Variants in GPHN observed in about 807,000 individuals in gnomAD.
GPHN encodes the protein gephyrin.
GPHN carries 17 observed loss-of-function variants against 95.5 expected under a neutral mutation model. The observed-to-expected ratio is 0.18, with a 90% CI of 0.12 to 0.27. The LOEUF is 0.27. Ranked by LOEUF, GPHN falls within the 10% of genes least tolerant of loss-of-function variation. The pLI is 1.00. For missense variants in GPHN, 660 were observed against 978.1 expected, an observed-to-expected ratio of 0.67 and a Z score of 4.34; for synonymous variants, 320 against 322.5, an observed-to-expected ratio of 0.99 and a Z score of 0.08.
intron 6 of GPHN, among the ~76,000 whole-genome samples, chr14:66,919,763 G>A (rs1045850220): frequency 3.3e-5 from 5 of 152,062 alleles, no homozygotes; most frequent in African/African-American, 1.2e-4. Context: ...CTCTACTTTT[G>A]GATTAAAGAT....
Position 66,916,082 on chromosome 14 carries a change from G to T in GPHN, c.456+13G>T. ...GAAAGGATCTCAGGTAAATCACCTG[G>T]ACATATTAATGGTTTAGTGTAAGAG... On this transcript the variant is annotated intron_variant, in intron 6 of 22. Transcript: ENST00000478722. 1.3e-6 allele frequency: 2 copies of T among 1,534,222 alleles called. No homozygotes were observed. Among genetic ancestry groups the T allele is most frequent in the Non-Finnish European group, 1.8e-6 (2 of 1,107,130 alleles).
intron 5 of GPHN, among the ~76,000 whole-genome samples, chr14:66,880,691 G>A (rs939517203): frequency 6.6e-6 from 1 of 151,686 alleles, no homozygotes; most frequent in African/African-American, 2.4e-5. Flanking sequence ...TGGCAACTGG[G>A]TATATTTTAA....
chr14:67,508,030 C>T, the GPHN span, among the ~76,000 whole-genome samples: 1 of 151,380 alleles, frequency 6.6e-6, no homozygotes, highest in African/African-American at 2.4e-5. Flanking sequence ...CCCAGCTACT[C>T]GGGAGGCTGA....
intron 1 of GPHN, among the ~76,000 whole-genome samples, chr14:66,545,655 G>A (rs2059548721): frequency 7.5e-6 from 1 of 132,952 alleles, no homozygotes; most frequent in South Asian, 2.5e-4. Flanking sequence ...GCCGGGCAGA[G>A]GGGCTCCTCA....
chr14:67,024,516 C>G (rs1248472433), intron 10 of GPHN, among the ~76,000 whole-genome samples: 1 of 152,170 alleles, frequency 6.6e-6, no homozygotes, highest in Non-Finnish European at 1.5e-5. Flanking sequence ...ATTTCTATTT[C>G]TAGCAGTATG....
intron 10 of GPHN, among the ~76,000 whole-genome samples, chr14:67,055,231 A>G (rs2075502852): frequency 6.6e-6 from 1 of 152,138 alleles, no homozygotes; most frequent in Non-Finnish European, 1.5e-5. Flanking sequence ...CAAGAAAAAA[A>G]TAACCCCATT....
At chr14:66,609,583 G>C (rs1454394119) in intron 1 of GPHN, among the ~76,000 whole-genome samples, 1 of 151,388 alleles carries the variant, frequency 6.6e-6, no homozygotes, top group Non-Finnish European at 1.5e-5. Context: ...TCCTAGGTTT[G>C]GTCTCTATAT....
the GPHN span, chr14:67,619,900 A>G: frequency 1.0e-6 from 1 of 989,920 alleles, no homozygotes; most frequent in Non-Finnish European, 1.4e-6. Flanking sequence ...AGGTAAGAGC[A>G]GCGGCGGGCG....
intron 9 of GPHN, among the ~76,000 whole-genome samples, chr14:66,985,891 C>T (rs1052905708): frequency 6.6e-6 from 1 of 150,902 alleles, no homozygotes; most frequent in Non-Finnish European, 1.5e-5. Context: ...GGTCATATTA[C>T]TTTTTTTTTG....
At chr14:67,711,043 G>A in the GPHN span, among the ~76,000 whole-genome samples, 1 of 152,096 alleles carries the variant, frequency 6.6e-6, no homozygotes, top group Admixed American at 6.5e-5. Flanking sequence ...GTTCATTCCT[G>A]GGCATAGGCC....
At chr14:67,656,534 C>T in the GPHN span, 11 of 1,613,668 alleles carry the variant, frequency 6.8e-6, no homozygotes, top group African/African-American at 4.0e-5. Flanking sequence ...TTGGGTGGCC[C>T]GGTTCAGGCT....
chr14:67,583,532 C>T, the GPHN span, among the ~76,000 whole-genome samples: 2 of 152,160 alleles, frequency 1.3e-5, no homozygotes, highest in African/African-American at 2.4e-5. Context: ...CAAAGTTGGT[C>T]GGTGATCTCT....
the GPHN span, among the ~76,000 whole-genome samples, chr14:67,658,580 G>A: frequency 6.6e-6 from 1 of 152,134 alleles, no homozygotes; most frequent in Non-Finnish European, 1.5e-5. Flanking sequence ...CTGGGTGACA[G>A]AGCGAGACTC....
chr14:67,210,431 A>G, the GPHN span, among the ~76,000 whole-genome samples: 35 of 150,838 alleles, frequency 2.3e-4, no homozygotes, highest in African/African-American at 8.0e-4. Context: ...ATTTAAAAAA[A>G]AGAAGAAGAA....
At chr14:67,125,894 A>G (rs992557950) in intron 17 of GPHN, among the ~76,000 whole-genome samples, 1 of 152,076 alleles carries the variant, frequency 6.6e-6, no homozygotes, top group African/African-American at 2.4e-5. Context: ...TTTAAATTCT[A>G]TATGATTCTA....
intron 10 of GPHN, among the ~76,000 whole-genome samples, chr14:67,047,797 C>A (rs2075108668): frequency 6.6e-6 from 1 of 152,184 alleles, no homozygotes; most frequent in Non-Finnish European, 1.5e-5. Flanking sequence ...CCCATCTGTG[C>A]AAAACATCAG....
At chr14:66,878,053 G>C (rs550212329) in intron 4 of GPHN, among the ~76,000 whole-genome samples, 5 of 152,024 alleles carry the variant, frequency 3.3e-5, no homozygotes, top group African/African-American at 9.6e-5. Flanking sequence ...CAGAACAGAG[G>C]CCTCAGAAAT....
At chr14:67,007,113 C>T (rs1444770753) in intron 9 of GPHN, among the ~76,000 whole-genome samples, 1 of 152,144 alleles carries the variant, frequency 6.6e-6, no homozygotes, top group East Asian at 1.9e-4. Flanking sequence ...AAGCATTCAT[C>T]TTATTTTAAT....
chr14:67,225,345 G>T, the GPHN span: 1 of 907,854 alleles, frequency 1.1e-6, no homozygotes, highest in Non-Finnish European at 1.6e-6. Context: ...TAATAAGTGG[G>T]ATCTTTTAAC....
Sources: allele counts gnomAD v4.1 joint callset (sites outside exome capture counted in the v4.1 genomes callset), GRCh38; gene constraint gnomAD v4.1.1; transcripts MANE v1.5; gene names NCBI Gene and HGNC (gene_info 2026-07-23, HGNC 2026-07-21).